Variants in PLEKHA8 observed in about 807,000 individuals in gnomAD.
The protein encoded by PLEKHA8 is pleckstrin homology domain containing A8, also known as pleckstrin homology domain-containing family A member 8.
In PLEKHA8, 36 loss-of-function variants were observed where a neutral mutation model predicts 68.2. The observed-to-expected ratio is 0.53, with a 90% confidence interval of 0.40 to 0.70. The LOEUF (loss-of-function observed/expected upper bound fraction) is 0.70, where lower values mean the gene tolerates loss of function less well. PLEKHA8 is among the 30% of genes least tolerant of loss of function. The probability of loss-of-function intolerance (pLI) is 0.00; values close to 1 mark genes in which losing one functional copy is unlikely to be tolerated. For synonymous variants in PLEKHA8, 211 were observed against 216.1 expected, an observed-to-expected ratio of 0.98 and a Z score of 0.20; for missense variants, 505 against 615.4, an observed-to-expected ratio of 0.82 and a Z score of 1.90.
At chr7:30,085,036 C>T (rs1795126596), downstream of PLEKHA8, among the ~76,000 whole-genome samples, 1 of 151,742 alleles carries the variant, frequency 6.6e-6, no homozygotes, top group African/African-American at 2.4e-5. Context: ...CCTCCACTTC[C>T]TGGGTTCAAG....
intron 8 of PLEKHA8, 144 bp from the exon 9 acceptor site, chr7:30,055,113 T>C: frequency 1.3e-6 from 1 of 782,716 alleles, no homozygotes; most frequent in East Asian, 2.6e-5. Flanking sequence ...TATGAGACCA[T>C]ATTAGAAAAA....
chr7:30,096,636 A>G (rs1250849427), intron 13 of PLEKHA8, among the ~76,000 whole-genome samples: 2 of 152,178 alleles, frequency 1.3e-5, no homozygotes, highest in African/African-American at 4.8e-5. Flanking sequence ...TTTATCTGAG[A>G]CTAGGATTGC....
In PLEKHA8 at chr7:30,034,384, A is replaced by G. The variant is rs186585772; in HGVS notation, c.40+5582A>G. 1.7e-3 allele frequency among the ~76,000 whole-genome samples: 263 copies of G among 152,256 alleles called. 1 individual carries two copies. The highest frequency in any genetic ancestry group is 6.0e-3 in the African/African-American group (250 of 41,554). On this transcript the variant is annotated intron_variant, in intron 1 of 13. Transcript: ENST00000449726. ...AATACAGTTGACCCATGAATAATGC[A>G]GGAGTTGGGGCACCAATCCCCACAG...
chr7:30,054,902 A>G, intron 8 of PLEKHA8, 37 bp downstream of exon 8: 1 of 1,537,680 alleles, frequency 6.5e-7, no homozygotes, highest in East Asian at 2.3e-5. Context: ...ATGCTTGGAT[A>G]CTAACTTCCA....
intron 1 of PLEKHA8, among the ~76,000 whole-genome samples, chr7:30,043,625 C>A (rs990386241): frequency 2.6e-5 from 4 of 152,080 alleles, no homozygotes; most frequent in African/African-American, 9.7e-5. Flanking sequence ...GAAAAGCAGA[C>A]CCTGATTAAG....
At chr7:30,109,605 AAAAAAAAAGAG>A (rs1336041654) in intron 13 of PLEKHA8, among the ~76,000 whole-genome samples, 16,073 of 140,396 alleles carry the variant, frequency 0.11, 1,270 homozygotes, top group Middle Eastern at 0.15. Context: ...AAAAAAAAAA[AAAAAAAAAGAG>A]AGAGAGATTA....
Position 30,081,137 on chromosome 7 carries a change from A to C in PLEKHA8, c.*2350A>C. On this transcript the variant is annotated 3_prime_UTR_variant, in exon 14 of 14. Transcript: ENST00000449726. ...GATGTACACAACTTAATTTGCTGGGAATGAGGGGCTTAATATTATCTGAGA... is the reference window on the plus strand; with the variant it reads ...GATGTACACAACTTAATTTGCTGGGCATGAGGGGCTTAATATTATCTGAGA... 1 of 985,346 alleles carries C rather than the reference A, an allele frequency of 1.0e-6. No individual in the cohort carries two copies. Among genetic ancestry groups the C allele is most frequent in the Non-Finnish European group, 1.2e-6 (1 of 829,908 alleles). The allele number at this position is 985,346 out of a possible 1,614,324, so 61.0% of individuals were successfully genotyped here.
At chr7:30,043,160 C>T (rs956086831) in intron 1 of PLEKHA8, among the ~76,000 whole-genome samples, 5 of 152,270 alleles carry the variant, frequency 3.3e-5, no homozygotes, top group Admixed American at 3.3e-4. Flanking sequence ...CCACTGTCGG[C>T]TAATTTTTGT....
chr7:30,127,206 G>A (rs1006795639), intron 13 of PLEKHA8, among the ~76,000 whole-genome samples: 1 of 152,176 alleles, frequency 6.6e-6, no homozygotes, highest in Non-Finnish European at 1.5e-5. Flanking sequence ...AGAAGCTAAA[G>A]TTGACGTTAC....
chr7:30,106,738 C>T (rs1255517208), intron 13 of PLEKHA8, among the ~76,000 whole-genome samples: 1 of 152,166 alleles, frequency 6.6e-6, no homozygotes, highest in Non-Finnish European at 1.5e-5. Context: ...TTCCAAAATG[C>T]AAAACTTGAA....
At chr7:30,047,203 T>C (rs1792028502) in intron 3 of PLEKHA8, among the ~76,000 whole-genome samples, 1 of 152,188 alleles carries the variant, frequency 6.6e-6, no homozygotes, top group African/African-American at 2.4e-5. Flanking sequence ...TCAGAGCAGA[T>C]AGTAATGTGC....
In PLEKHA8 at chr7:30,079,448, T is replaced by C. The variant is rs2127999407; in HGVS notation, c.*661T>C. On this transcript the variant is annotated 3_prime_UTR_variant, in exon 14 of 14. Transcript: ENST00000449726. ...ATTAATGGTGTGCCCTAGCCCCAAG[T>C]TGGAGGGGAGAATATGAGAGAGGTG... is the stretch of plus-strand genomic sequence containing the variant. 4.1e-6 allele frequency: 4 copies of C among 985,290 alleles called. No individual in the cohort carries two copies. The highest frequency in any genetic ancestry group is 1.7e-5 in the African/African-American group (1 of 57,288). The allele number at this position is 985,290 out of a possible 1,614,324, so 61.0% of individuals were successfully genotyped here.
At chr7:30,112,037 T>C (rs909725442) in intron 13 of PLEKHA8, among the ~76,000 whole-genome samples, 1 of 152,150 alleles carries the variant, frequency 6.6e-6, no homozygotes, top group African/African-American at 2.4e-5. Flanking sequence ...GGCACAGAAT[T>C]TTATAGCCAC....
chr7:30,121,420 G>A (rs1405246163), intron 13 of PLEKHA8, among the ~76,000 whole-genome samples: 2 of 152,156 alleles, frequency 1.3e-5, no homozygotes, highest in Non-Finnish European at 2.9e-5. Flanking sequence ...CTTGAGATTA[G>A]GAGTTCGAGA....
Position 30,083,534 on chromosome 7 carries a change from G to C in PLEKHA8, c.*4747G>C, listed in dbSNP as rs1370699573. 1 of 985,224 alleles carries C rather than the reference G, an allele frequency of 1.0e-6. No individual in the cohort carries two copies. Among genetic ancestry groups the C allele is most frequent in the Non-Finnish European group, 1.2e-6 (1 of 829,922 alleles). 61.0% of individuals were successfully genotyped at this position (985,224 alleles called of 1,614,324 possible). A position where few individuals can be genotyped will look rare whatever the true frequency, so the allele number is the denominator to read the frequency against. ...ATTTCTCATTGCACTGCTGCATTCA[G>C]GCACTCCAGGGCATGATTAAACAGT... is the stretch of plus-strand genomic sequence containing the variant. On this transcript the variant is annotated 3_prime_UTR_variant, in exon 14 of 14. Coordinates refer to ENST00000449726, the MANE Select transcript of PLEKHA8 (RefSeq NM_001197026.2).
chr7:30,097,560 G>A (rs1377605329), intron 13 of PLEKHA8, among the ~76,000 whole-genome samples: 3 of 151,864 alleles, frequency 2.0e-5, no homozygotes, highest in South Asian at 2.1e-4. Context: ...TTCTCTTCTC[G>A]CTTCATTTCA....
intron 1 of PLEKHA8, among the ~76,000 whole-genome samples, chr7:30,029,674 CT>C (rs1384394545): frequency 5.3e-5 from 8 of 152,160 alleles, no homozygotes; most frequent in African/African-American, 1.9e-4. Flanking sequence ...TGAATTAGGT[CT>C]TTAAAATTTT....
Position 30,116,115 on chromosome 7 carries a change from CGTATACATGT to C in PLEKHA8, c.1363-13142_1363-13133del, listed in dbSNP as rs901777589. ...ATACGTATACATACGCATACATACA[CGTATACATGT>C]GTATACATATGTATACATACGCATA... On this transcript the variant is annotated intron_variant, in intron 13 of 13. Transcript: ENST00000396257. The C allele has an allele frequency of 4.0e-5, 6 of 150,064 alleles. No individual in the cohort carries two copies. The South Asian group carries it at 8.4e-4, about 21-fold the overall frequency. 9.3% of individuals were successfully genotyped at this position (150,064 alleles called of 1,614,324 possible).
rs1794996740 is a variant in PLEKHA8, at chr7:30,082,589, G to GAGAAGAA, written c.*3802_*3803insAGAAGAA. Reference sequence around the variant, plus strand: ...AAAAATTTGCACTCTTCTCCTTTTGGTTATTACTTTCCAAATATATTAACA... The same window carrying GAGAAGAA: ...AAAAATTTGCACTCTTCTCCTTTTGGAGAAGAATTATTACTTTCCAAATATATTAACA... On this transcript the variant is annotated 3_prime_UTR_variant, in exon 14 of 14. Transcript: ENST00000449726. The GAGAAGAA allele has an allele frequency of 1.0e-6, 1 of 985,022 alleles. No homozygotes were observed. The highest frequency in any genetic ancestry group is 1.2e-6 in the Non-Finnish European group (1 of 829,770). 61.0% of individuals were successfully genotyped at this position (985,022 alleles called of 1,614,324 possible).
Sources: gnomAD v4.1 joint callset for allele counts (sites outside exome capture counted in the v4.1 genomes callset) on GRCh38, gnomAD v4.1.1 for gene constraint, MANE v1.5 for transcripts, NCBI Gene and HGNC (gene_info 2026-07-23, HGNC 2026-07-21) for gene names.